USP9X: variants seen among roughly 807,000 people sequenced by gnomAD.
The protein encoded by USP9X is ubiquitin carboxyl-terminal hydrolase 9X.
Under a neutral mutation model 190.3 loss-of-function variants are expected in USP9X, and 7 were observed. That is an observed-to-expected ratio of 0.04 (90% confidence interval 0.02 to 0.07). The LOEUF is 0.07. USP9X is among the 10% of genes least tolerant of loss of function. USP9X has a pLI of 1.00. For missense variants in USP9X, 1,010 were observed against 1,916.9 expected (o/e 0.53, Z 8.83); for synonymous variants, 645 against 659.5 (o/e 0.98, Z 0.34).
intron 38 of USP9X, among the ~76,000 whole-genome samples, chrX:41,222,305 A>G (rs934603147): frequency 1.8e-5 from 2 of 111,233 alleles, no homozygotes; most frequent in South Asian, 7.5e-4. Context: ...AGTCGCAAAT[A>G]AGAACAAAAA....
At chrX:41,158,888 CTT>C (rs1332967321) in intron 14 of USP9X, among the ~76,000 whole-genome samples, 2 of 111,927 alleles carry the variant, frequency 1.8e-5, no homozygotes, top group African/African-American at 6.5e-5. Flanking sequence ...AATCCAGCCT[CTT>C]TTCAATATAG....
At chrX:41,098,535 A>G (rs1601930767) in intron 1 of USP9X, among the ~76,000 whole-genome samples, 1 of 109,846 alleles carries the variant, frequency 9.1e-6, no homozygotes, top group Non-Finnish European at 1.9e-5. Context: ...GCTGTTGCTC[A>G]ATACATGATC....
Position 41,170,035 on chromosome X carries a change from C to T in USP9X, c.2677C>T (p.Pro893Ser), listed in dbSNP as rs776847087. 8.3e-7 allele frequency: 1 copy of T among 1,211,432 alleles called. No homozygotes were observed. The highest frequency in any genetic ancestry group is 1.1e-6 in the Non-Finnish European group (1 of 895,359). Residue 893 changes from proline (P) to serine (S), a missense_variant, in exon 19 of 45, where the codon CCA becomes TCA. This residue lies in a region of USP9X where 351 missense variants were observed against 480.8 expected (regional missense o/e 0.73). Coordinates refer to ENST00000378308, the MANE Select transcript of USP9X (RefSeq NM_001039591.3). ...ACACCTCTCTTTTGTAGTTCGATTT[C>T]CAAACCAGGGCAGACAGGTTGATGA... ...GKHLSFVVRF[P>S]NQGRQVDDLE...
intron 14 of USP9X, among the ~76,000 whole-genome samples, chrX:41,153,864 C>G (rs2062552439): frequency 1.8e-5 from 2 of 112,020 alleles, no homozygotes; most frequent in Non-Finnish European, 3.8e-5. Context: ...GTTAAACATA[C>G]TGATTACTCA....
chrX:41,225,214 AT>A (rs1034611007), intron 41 of USP9X, 77 bp downstream of exon 41: 181 of 952,595 alleles, frequency 1.9e-4, no homozygotes, highest in Non-Finnish European at 2.2e-4. Flanking sequence ...CAGTCACCAC[AT>A]TTTTTTTAAC....
intron 1 of USP9X, among the ~76,000 whole-genome samples, chrX:41,108,202 G>A (rs911677438): frequency 2.7e-5 from 3 of 111,881 alleles, no homozygotes; most frequent in Non-Finnish European, 5.6e-5. Flanking sequence ...GCTCTTCAGC[G>A]GGTGTAGCCT....
rs1330570255 is a variant in USP9X, at chrX:41,184,098, T to A, written c.3249T>A (p.Pro1083=). Reference sequence around the variant, plus strand: ...CTCTTGACTCACTTTTCTTTGGTCCTTCAGCCTCACAAGTGCTATATCTAA... The same window carrying A: ...CTCTTGACTCACTTTTCTTTGGTCCATCAGCCTCACAAGTGCTATATCTAA... The part of the protein sequence containing the change: ...SPSLDSLFFG[P]SASQVLYLTE... The change falls in exon 22 of 45, where the codon CCT becomes CCA. Residue 1083 remains proline (P), a synonymous_variant. Coordinates refer to ENST00000378308, the MANE Select transcript of USP9X (RefSeq NM_001039591.3). 1 of 1,209,848 alleles carries A rather than the reference T, an allele frequency of 8.3e-7. No homozygotes were observed. The highest frequency in any genetic ancestry group is 1.8e-5 in the South Asian group (1 of 56,516).
intron 1 of USP9X, among the ~76,000 whole-genome samples, chrX:41,113,903 G>A (rs1389792501): frequency 1.8e-5 from 2 of 112,617 alleles, no homozygotes; most frequent in Non-Finnish European, 3.7e-5. Flanking sequence ...GCACACAAAC[G>A]TTTTTATAGA....
intron 1 of USP9X, among the ~76,000 whole-genome samples, chrX:41,102,947 C>T (rs1392224377): frequency 3.6e-5 from 4 of 111,424 alleles, no homozygotes; most frequent in Admixed American, 1.9e-4. Context: ...CGCCCGCCAC[C>T]ACGCCCGGCT....
At chrX:41,158,350 G>A (rs958548487) in intron 14 of USP9X, among the ~76,000 whole-genome samples, 1 of 111,383 alleles carries the variant, frequency 9.0e-6, no homozygotes, top group African/African-American at 3.3e-5. Context: ...GAGTCTTCCT[G>A]CACAAGGAAA....
chrX:41,133,848 C>T (rs778715945), intron 4 of USP9X, among the ~76,000 whole-genome samples: 2 of 112,257 alleles, frequency 1.8e-5, no homozygotes, highest in South Asian at 3.6e-4. Flanking sequence ...TCAGTTAACA[C>T]GTAAGTTGGT....
intron 31 of USP9X, among the ~76,000 whole-genome samples, chrX:41,202,043 T>C (rs189214051): frequency 8.8e-6 from 1 of 113,102 alleles, no homozygotes; most frequent in Non-Finnish European, 1.9e-5. Context: ...GGGGTTTGTT[T>C]GATGGTAAGA....
chrX:41,186,684 A>T, intron 24 of USP9X, 42 bp downstream of exon 24: 1 of 1,191,688 alleles, frequency 8.4e-7, no homozygotes, highest in Non-Finnish European at 1.1e-6. Flanking sequence ...TAACTTTCCT[A>T]GGCCCACTTA....
In USP9X at chrX:41,170,503, A is replaced by G; in HGVS notation, c.2911A>G (p.Asn971Asp). ...AGCCAAACTTACACAGATAAGTTCCAATATGCCTTCAAGCCCTGATAGCTC... is the reference window on the plus strand; with the variant it reads ...AGCCAAACTTACACAGATAAGTTCCGATATGCCTTCAAGCCCTGATAGCTC... ...ITAKLTQISS[N>D]MPSSPDSSSD... The change falls in exon 20 of 45, where the codon AAT (asparagine) becomes GAT (aspartate). Residue 971 changes from asparagine (N) to aspartate (D), a missense_variant. Around this residue, in one of 11 missense-constraint regions of USP9X, gnomAD observed 351 missense variants for 480.8 expected, o/e 0.73. Coordinates refer to ENST00000378308, the MANE Select transcript of USP9X (RefSeq NM_001039591.3). 8.3e-7 allele frequency: 1 copy of G among 1,211,212 alleles called. No individual in the cohort carries two copies. Among genetic ancestry groups the G allele is most frequent in the Non-Finnish European group, 1.1e-6 (1 of 895,079 alleles).
At chrX:41,104,179 G>A (rs369918803) in intron 1 of USP9X, among the ~76,000 whole-genome samples, 3 of 111,475 alleles carry the variant, frequency 2.7e-5, no homozygotes, top group East Asian at 5.6e-4. Flanking sequence ...CCATCCTCCT[G>A]TCTCAGCACT....
intron 5 of USP9X, 72 bp downstream of exon 5, chrX:41,134,909 G>T: frequency 1.3e-6 from 1 of 741,891 alleles, no homozygotes; most frequent in Non-Finnish European, 2.0e-6. Flanking sequence ...AGGTATATGT[G>T]TGTGTGGCTG....
At chrX:41,190,918 G>A (rs2062929376) in intron 26 of USP9X, among the ~76,000 whole-genome samples, 1 of 111,688 alleles carries the variant, frequency 9.0e-6, no homozygotes, top group Admixed American at 9.5e-5. Context: ...TTAAGTACCT[G>A]ATTTTTTATA....
chrX:41,112,007 G>A (rs137871151), intron 1 of USP9X, among the ~76,000 whole-genome samples: 2,198 of 110,414 alleles, frequency 0.02, 37 homozygotes, highest in South Asian at 0.13. Flanking sequence ...CACCATGCCC[G>A]GCTAATTTTG....
intron 9 of USP9X, 119 bp downstream of exon 9, chrX:41,141,550 T>A: frequency 1.3e-6 from 1 of 740,851 alleles, no homozygotes; most frequent in Non-Finnish European, 1.8e-6. Flanking sequence ...AATTGGGAGG[T>A]GTTTTGATTG....
Sources: gnomAD v4.1 joint callset for allele counts (sites outside exome capture counted in the v4.1 genomes callset) on GRCh38, gnomAD v4.1.1 for gene constraint, gnomAD v4.1.1 regional missense constraint, MANE v1.5 for transcripts, NCBI Gene and HGNC (gene_info 2026-07-23, HGNC 2026-07-21) for gene names.